Variants in TTC29 observed in about 807,000 individuals in gnomAD.
TTC29 encodes the protein tetratricopeptide repeat protein 29.
A neutral mutation model predicts 58.1 loss-of-function variants in TTC29; 49 were observed. The observed-to-expected ratio is 0.84, with a 90% CI of 0.67 to 1.07. The LOEUF is 1.07. Ranked by LOEUF, TTC29 falls within the 50% of genes least tolerant of loss-of-function variation. The probability of loss-of-function intolerance (pLI) is 0.00; values close to 1 mark genes in which losing one functional copy is unlikely to be tolerated. For synonymous variants in TTC29, 209 were observed against 196.8 expected, an observed-to-expected ratio of 1.06 and a Z score of -0.52; for missense variants, 582 against 555.6, an observed-to-expected ratio of 1.05 and a Z score of -0.48.
At chr4:146,800,723 T>C (rs1750158244) in intron 11 of TTC29, among the ~76,000 whole-genome samples, 1 of 152,226 alleles carries the variant, frequency 6.6e-6, no homozygotes, top group Admixed American at 6.5e-5. Flanking sequence ...TACATACTCA[T>C]TTTGAATTCT....
intron 6 of TTC29, among the ~76,000 whole-genome samples, chr4:146,880,560 C>G (rs1731558000): frequency 6.6e-6 from 1 of 152,098 alleles, no homozygotes; most frequent in South Asian, 2.1e-4. Flanking sequence ...TGCTTACCCT[C>G]TTCCCTGCAC....
chr4:146,905,135 C>T (rs181326806), intron 5 of TTC29, among the ~76,000 whole-genome samples: 13 of 152,236 alleles, frequency 8.5e-5, no homozygotes, highest in African/African-American at 2.2e-4. Context: ...ATTTATCTGA[C>T]GCAAATACTC....
At chr4:146,822,481 A>G in intron 9 of TTC29, among the ~76,000 whole-genome samples, 1 of 152,136 alleles carries the variant, frequency 6.6e-6, no homozygotes, top group Middle Eastern at 3.2e-3. Flanking sequence ...TATCCAGTCT[A>G]TCATTGATGG....
At chr4:146,800,213 A>G (rs1421291442) in intron 11 of TTC29, among the ~76,000 whole-genome samples, 2 of 152,146 alleles carry the variant, frequency 1.3e-5, no homozygotes, top group Non-Finnish European at 2.9e-5. Flanking sequence ...TCCCTCTGAA[A>G]GGTATAAAGA....
chr4:146,918,037 C>T (rs1232160399), intron 4 of TTC29, among the ~76,000 whole-genome samples: 2 of 150,674 alleles, frequency 1.3e-5, no homozygotes, highest in South Asian at 2.1e-4. Context: ...ATCTGCCCCC[C>T]AGAACATTTT....
At chr4:146,894,692 T>C (rs201398547) in intron 6 of TTC29, among the ~76,000 whole-genome samples, 1 of 21,410 alleles carries the variant, frequency 4.7e-5, no homozygotes, top group African/African-American at 3.1e-3. Context: ...AAAAATAAAA[T>C]AAATAAATAA....
chr4:146,865,683 A>C (rs1169440823), intron 8 of TTC29, among the ~76,000 whole-genome samples: 1 of 152,182 alleles, frequency 6.6e-6, no homozygotes. Flanking sequence ...AATAAATACA[A>C]TGAGACTCGT....
At chr4:146,899,810 T>G (rs1053765245) in intron 6 of TTC29, among the ~76,000 whole-genome samples, 1 of 152,192 alleles carries the variant, frequency 6.6e-6, no homozygotes, top group South Asian at 2.1e-4. Context: ...CCAAAGACTA[T>G]AGACTGCTTG....
chr4:146,879,640 ATAAACT>A (rs1731494159), intron 6 of TTC29, among the ~76,000 whole-genome samples: 1 of 152,206 alleles, frequency 6.6e-6, no homozygotes, highest in East Asian at 1.9e-4. Context: ...TTGGCACCAA[ATAAACT>A]TTAACACAGC....
At chr4:146,757,202 A>AT (rs34791016) in intron 11 of TTC29, among the ~76,000 whole-genome samples, 8,191 of 144,468 alleles carry the variant, frequency 0.057, 267 homozygotes, top group East Asian at 0.1. Context: ...TGTTGTTCGG[A>AT]TTTTTTTTTT....
At chr4:146,813,518 C>T (rs1751169047) in intron 10 of TTC29, among the ~76,000 whole-genome samples, 1 of 152,098 alleles carries the variant, frequency 6.6e-6, no homozygotes, top group South Asian at 2.1e-4. Context: ...GAAAAGGTAA[C>T]TCCAATATTT....
intron 11 of TTC29, among the ~76,000 whole-genome samples, chr4:146,753,055 T>A (rs1384453985): frequency 6.6e-6 from 1 of 151,990 alleles, no homozygotes; most frequent in Non-Finnish European, 1.5e-5. Context: ...ACAAATGGGA[T>A]CTAATTAAAC....
At chr4:146,753,325 A>T (rs890628994) in intron 11 of TTC29, among the ~76,000 whole-genome samples, 2 of 152,250 alleles carry the variant, frequency 1.3e-5, no homozygotes, top group African/African-American at 4.8e-5. Flanking sequence ...TGGCCATCAG[A>T]GAAATGCAAA....
intron 2 of TTC29, among the ~76,000 whole-genome samples, chr4:146,941,431 G>C (rs73855097): frequency 0.1 from 15,342 of 152,204 alleles, 1,600 homozygotes; most frequent in African/African-American, 0.27. Context: ...CAGCAGTGAA[G>C]AAAAAGACAA....
At chr4:146,877,864 G>T (rs1301498256) in intron 6 of TTC29, among the ~76,000 whole-genome samples, 3 of 152,108 alleles carry the variant, frequency 2.0e-5, no homozygotes, top group Non-Finnish European at 4.4e-5. Context: ...GAGGTATAAT[G>T]ATGTAAATAG....
At chr4:146,764,544 A>G (rs1424316977) in intron 11 of TTC29, among the ~76,000 whole-genome samples, 1 of 152,122 alleles carries the variant, frequency 6.6e-6, no homozygotes, top group Non-Finnish European at 1.5e-5. Flanking sequence ...AATTATTTTA[A>G]AAAGAAAAAA....
intron 11 of TTC29, among the ~76,000 whole-genome samples, chr4:146,722,988 G>A (rs1420722738): frequency 6.6e-6 from 1 of 152,108 alleles, no homozygotes; most frequent in Non-Finnish European, 1.5e-5. Flanking sequence ...ATGAGCCACG[G>A]CACCTGGCCT....
chr4:146,938,027 G>T (rs1580032200), intron 3 of TTC29, among the ~76,000 whole-genome samples: 1 of 152,040 alleles, frequency 6.6e-6, no homozygotes, highest in Admixed American at 6.6e-5. Context: ...ATATTGTTTG[G>T]CACAGAATCC....
intron 11 of TTC29, among the ~76,000 whole-genome samples, chr4:146,730,752 G>A (rs775368748): frequency 3.9e-5 from 6 of 152,140 alleles, no homozygotes; most frequent in Non-Finnish European, 8.8e-5. Context: ...ATTGTGTTTG[G>A]CGATGCGAAA....
Sources: gnomAD v4.1 joint callset for allele counts (sites outside exome capture counted in the v4.1 genomes callset) on GRCh38, gnomAD v4.1.1 for gene constraint, MANE v1.5 for transcripts, NCBI Gene and HGNC (gene_info 2026-07-23, HGNC 2026-07-21) for gene names.